Variants in TCF4 observed in about 807,000 individuals in gnomAD.
The protein encoded by TCF4 is SL3-3 enhancer factor 2.
A neutral mutation model predicts 82.1 loss-of-function variants in TCF4; 3 were observed. The ratio of observed to expected loss-of-function variants is 0.04; its 90% CI spans 0.02 to 0.09. The LOEUF (loss-of-function observed/expected upper bound fraction) is 0.09, where lower values mean the gene tolerates loss of function less well. TCF4 is among the 10% of genes least tolerant of loss of function. The probability of loss-of-function intolerance (pLI) is 1.00; values close to 1 mark genes in which losing one functional copy is unlikely to be tolerated. For missense variants in TCF4, 518 were observed against 852.7 expected (o/e 0.61, Z 4.89); for synonymous variants, 276 against 309.6 (o/e 0.89, Z 1.14).
intron 8 of TCF4, among the ~76,000 whole-genome samples, chr18:55,347,090 T>C (rs2081333805): frequency 1.3e-5 from 2 of 152,176 alleles, no homozygotes; most frequent in African/African-American, 2.4e-5. Context: ...AACCAAAATG[T>C]AGAAATCTAG....
At chr18:55,480,523 C>A (rs532460721) in intron 3 of TCF4, among the ~76,000 whole-genome samples, 1 of 152,266 alleles carries the variant, frequency 6.6e-6, no homozygotes, top group East Asian at 1.9e-4. Flanking sequence ...GGGCTAGAAT[C>A]AACACTTGCA....
intron 6 of TCF4, among the ~76,000 whole-genome samples, chr18:55,373,815 A>AAATAAT (rs369920666): frequency 2.6e-5 from 4 of 151,776 alleles, no homozygotes; most frequent in Non-Finnish European, 4.4e-5. Context: ...TCCATCTCAA[A>AAATAAT]AATAATAATA....
At chr18:55,501,382 G>A (rs1002450780) in intron 3 of TCF4, among the ~76,000 whole-genome samples, 6 of 151,868 alleles carry the variant, frequency 4.0e-5, no homozygotes, top group African/African-American at 1.5e-4. Flanking sequence ...ATTTTTAACG[G>A]CTTTGTTTAC....
At chr18:55,462,972 T>C (rs1323380781) in intron 4 of TCF4, among the ~76,000 whole-genome samples, 1 of 152,174 alleles carries the variant, frequency 6.6e-6, no homozygotes, top group Non-Finnish European at 1.5e-5. Flanking sequence ...CTTGCTGAAA[T>C]GCCCTCATTT....
intron 3 of TCF4, among the ~76,000 whole-genome samples, chr18:55,582,110 C>T (rs963481884): frequency 1.3e-5 from 2 of 152,020 alleles, no homozygotes; most frequent in African/African-American, 2.4e-5. Flanking sequence ...TCACAAGAGT[C>T]AAAAGTAACC....
At chr18:55,466,438 A>G (rs1010120405) in intron 3 of TCF4, among the ~76,000 whole-genome samples, 1 of 152,106 alleles carries the variant, frequency 6.6e-6, no homozygotes, top group Non-Finnish European at 1.5e-5. Flanking sequence ...TCAAGGTTAC[A>G]GTGAACTACG....
At chr18:55,311,987 T>A (rs1198794730) in intron 8 of TCF4, among the ~76,000 whole-genome samples, 1 of 152,172 alleles carries the variant, frequency 6.6e-6, no homozygotes, top group African/African-American at 2.4e-5. Flanking sequence ...TGCTTTCAAT[T>A]CTGATTGAGT....
At chr18:55,504,501 A>G (rs140755042) in intron 3 of TCF4, among the ~76,000 whole-genome samples, 3 of 152,370 alleles carry the variant, frequency 2.0e-5, no homozygotes, top group East Asian at 1.9e-4. Flanking sequence ...TAATTCTTCA[A>G]TGCTTTAGAG....
chr18:55,296,778 T>C (rs2066613432), intron 8 of TCF4, among the ~76,000 whole-genome samples: 1 of 152,200 alleles, frequency 6.6e-6, no homozygotes, highest in Non-Finnish European at 1.5e-5. Context: ...AAATGCAATG[T>C]TATTTTTGAG....
rs944085332 is a variant in TCF4 at position 55,351,202 on chromosome 18, C to A, written c.370-199G>T. Reference sequence around the variant, plus strand: ...AAGTTTGTGAATTTTTAATTCTTTACTTTTAGGAGGAAAGTAGATGATTCC... The same window carrying A: ...AAGTTTGTGAATTTTTAATTCTTTAATTTTAGGAGGAAAGTAGATGATTCC... On this transcript the variant is annotated intron_variant, in intron 6 of 19. Transcript: ENST00000354452. 7.0e-5 allele frequency: 42 copies of A among 599,570 alleles called. No homozygotes were observed. In the African/African-American group the frequency reaches 7.3e-4, roughly 10 times the overall value. The allele number at this position is 599,570 out of a possible 1,614,324, so 37.1% of individuals were successfully genotyped here.
At chr18:55,490,295 T>C (rs1435551189) in intron 3 of TCF4, among the ~76,000 whole-genome samples, 2 of 152,166 alleles carry the variant, frequency 1.3e-5, no homozygotes, top group African/African-American at 2.4e-5. Context: ...GATATATTTA[T>C]TTATATTTGC....
At chr18:55,322,401 AAAGGGGAGG>A in intron 8 of TCF4, 1 of 986,782 alleles carries the variant, frequency 1.0e-6, no homozygotes, top group Non-Finnish European at 1.2e-6. Flanking sequence ...CGACTCGGAG[AAAGGGGAGG>A]GAAAGGGGAG....
At chr18:55,458,483 C>G (rs902966388) in intron 5 of TCF4, among the ~76,000 whole-genome samples, 1 of 152,204 alleles carries the variant, frequency 6.6e-6, no homozygotes, top group Non-Finnish European at 1.5e-5. Flanking sequence ...GTCCCCTACA[C>G]CAATAGATCT....
intron 3 of TCF4, among the ~76,000 whole-genome samples, chr18:55,540,971 A>G (rs1030194978): frequency 6.6e-6 from 1 of 152,040 alleles, no homozygotes; most frequent in Non-Finnish European, 1.5e-5. Flanking sequence ...GACTTCAGCC[A>G]TTGCTAAGGT....
chr18:55,355,829 G>GT (rs1244279174), intron 6 of TCF4, among the ~76,000 whole-genome samples: 2 of 152,094 alleles, frequency 1.3e-5, no homozygotes, highest in Non-Finnish European at 2.9e-5. Flanking sequence ...ATTTTTAAAG[G>GT]TTTTTTGTCA....
chr18:55,538,026 G>GCACGCA (rs1555736301), intron 3 of TCF4, among the ~76,000 whole-genome samples: 4 of 131,574 alleles, frequency 3.0e-5, no homozygotes, highest in South Asian at 5.0e-4. Flanking sequence ...CTGCGCGCGC[G>GCACGCA]CACACACACA....
chr18:55,491,214 A>G (rs1424099288), intron 3 of TCF4, among the ~76,000 whole-genome samples: 1 of 152,136 alleles, frequency 6.6e-6, no homozygotes, highest in Non-Finnish European at 1.5e-5. Flanking sequence ...GTTATTATTT[A>G]TGAGAAAAAG....
chr18:55,449,034 C>T (rs2095576003), intron 5 of TCF4, among the ~76,000 whole-genome samples: 3 of 152,188 alleles, frequency 2.0e-5, no homozygotes, highest in Non-Finnish European at 4.4e-5. Flanking sequence ...CTATTTAGAA[C>T]TGTTTTATTT....
At chr18:55,481,104 A>G (rs1470992505) in intron 3 of TCF4, among the ~76,000 whole-genome samples, 2 of 18,334 alleles carry the variant, frequency 1.1e-4, no homozygotes, top group Non-Finnish European at 2.3e-4. Flanking sequence ...ACTCCATCTC[A>G]AAAAAAAAAA....
Sources: allele counts gnomAD v4.1 joint callset (sites outside exome capture counted in the v4.1 genomes callset), GRCh38; gene constraint gnomAD v4.1.1; transcripts MANE v1.5; gene names NCBI Gene and HGNC (gene_info 2026-07-23, HGNC 2026-07-21).